ATP10A: variants seen among roughly 807,000 people sequenced by gnomAD.
ATP10A encodes ATPase phospholipid transporting 10A (putative), also known as phospholipid-transporting ATPase VA.
A neutral mutation model predicts 147.8 loss-of-function variants in ATP10A; 111 were observed. That is an observed-to-expected ratio of 0.75 (90% confidence interval 0.64 to 0.88). ATP10A has a LOEUF of 0.88. ATP10A is among the 40% of genes least tolerant of loss of function. The pLI, the probability that ATP10A is intolerant of heterozygous loss-of-function variation, is 0.00. For missense variants in ATP10A, 1,927 were observed against 1,959.0 expected, an observed-to-expected ratio of 0.98 and a Z score of 0.31; for synonymous variants, 875 against 841.6, an observed-to-expected ratio of 1.04 and a Z score of -0.69.
At chr15:25,689,216 G>A (rs1899872318) in intron 15 of ATP10A, among the ~76,000 whole-genome samples, 1 of 152,226 alleles carries the variant, frequency 6.6e-6, no homozygotes, top group Non-Finnish European at 1.5e-5. Flanking sequence ...CGTCAAAGTG[G>A]CCTTTCCAAA....
chr15:25,834,951 G>A (rs1892526555), intron 1 of ATP10A, among the ~76,000 whole-genome samples: 1 of 152,112 alleles, frequency 6.6e-6, no homozygotes, highest in Non-Finnish European at 1.5e-5. Flanking sequence ...TAAGGAATAT[G>A]GGGCTCATTT....
At chr15:25,716,991 A>G (rs1195400325) in intron 8 of ATP10A, 67 bp from the exon 9 acceptor site, 1 of 1,299,554 alleles carries the variant, frequency 7.7e-7, no homozygotes, top group African/African-American at 1.5e-5. Context: ...GGGCGTGACT[A>G]TTTAAGGTAC....
chr15:25,716,224 G>T (rs1213370606), intron 9 of ATP10A, among the ~76,000 whole-genome samples: 1 of 152,204 alleles, frequency 6.6e-6, no homozygotes, highest in Non-Finnish European at 1.5e-5. Flanking sequence ...CTGCATGGCT[G>T]GTAGAGTCAG....
intron 1 of ATP10A, among the ~76,000 whole-genome samples, chr15:25,835,565 CACA>C (rs1415261560): frequency 6.6e-6 from 1 of 152,110 alleles, no homozygotes; most frequent in East Asian, 1.9e-4. Context: ...GCCCTTTGCA[CACA>C]ACAAGGCCGG....
intron 1 of ATP10A, among the ~76,000 whole-genome samples, chr15:25,833,187 T>C (rs942569979): frequency 6.6e-6 from 1 of 152,170 alleles, no homozygotes; most frequent in Non-Finnish European, 1.5e-5. Context: ...TTCACCATGT[T>C]GGCTGGGCTG....
intron 2 of ATP10A, among the ~76,000 whole-genome samples, chr15:25,763,261 A>C (rs1375970999): frequency 1.3e-5 from 2 of 152,302 alleles, no homozygotes; most frequent in South Asian, 4.1e-4. Context: ...GAATTCTTGA[A>C]ATAAATTATT....
Position 25,759,782 on chromosome 15 carries a change from C to T in ATP10A, c.654+21237G>A, listed in dbSNP as rs183952283. Among the ~76,000 whole-genome samples, 359 of 147,702 alleles carry T rather than the reference C, an allele frequency of 2.4e-3. 1 individual carries two copies. Among genetic ancestry groups the T allele is most frequent in the South Asian group, 0.015 (70 of 4,582 alleles). On this transcript the variant is annotated intron_variant, in intron 2 of 20. Coordinates refer to ENST00000555815, the MANE Select transcript of ATP10A (RefSeq NM_024490.4). Reference sequence around the variant, plus strand: ...TGAGATCACACTACTGTACTCCAGCCTGGGTGGAGACCCTGTCTCAAAAAA... The same window carrying T: ...TGAGATCACACTACTGTACTCCAGCTTGGGTGGAGACCCTGTCTCAAAAAA...
In ATP10A at chr15:25,695,075, C is replaced by T; in HGVS notation, c.2832G>A (p.Glu944=). 1.2e-6 allele frequency: 2 copies of T among 1,614,184 alleles called. No homozygotes were observed. Residue 944 remains glutamate, a synonymous_variant, in exon 14 of 21, where the codon GAG becomes GAA. Transcript: ENST00000555815. The part of the protein sequence containing the change: ...VQSRGLQRAP[E]KTKGKVSMRF... ...TCATGCTCACTTTGCCCTTGGTCTT[C>T]TCAGGGGCTCTCTGGAGGCCTCTGG... is the stretch of plus-strand genomic sequence containing the variant.
chr15:25,767,025 T>C (rs1889061987), intron 2 of ATP10A, among the ~76,000 whole-genome samples: 1 of 152,224 alleles, frequency 6.6e-6, no homozygotes, highest in Admixed American at 6.5e-5. Flanking sequence ...AGCAATTTCT[T>C]TGAAGAGGGC....
At chr15:25,787,611 TAA>T (rs745619844) in intron 1 of ATP10A, among the ~76,000 whole-genome samples, 18,211 of 89,532 alleles carry the variant, frequency 0.2, 1,343 homozygotes, top group African/African-American at 0.28. Context: ...GACTCCTTCT[TAA>T]AAAAAAAAAA....
chr15:25,735,787 GGGCCTGCTAGCGGGA>G (rs1471171675), intron 3 of ATP10A, among the ~76,000 whole-genome samples: 1 of 152,096 alleles, frequency 6.6e-6, no homozygotes, highest in Non-Finnish European at 1.5e-5. Flanking sequence ...CACCTACCCG[GGGCCTGCTAGCGGGA>G]GGAAAAGCGG....
intron 1 of ATP10A, among the ~76,000 whole-genome samples, chr15:25,805,269 C>A (rs986671005): frequency 6.6e-6 from 1 of 152,240 alleles, no homozygotes; most frequent in Non-Finnish European, 1.5e-5. Context: ...CAGCCGGTCC[C>A]TCCAAGGGAC....
intron 1 of ATP10A, among the ~76,000 whole-genome samples, chr15:25,806,512 C>T (rs373702830): frequency 2.1e-4 from 32 of 152,124 alleles, no homozygotes; most frequent in African/African-American, 6.5e-4. Context: ...CGGGGTTTCA[C>T]GGTGTTAGCC....
At chr15:25,840,225 C>A (rs1324663864) in intron 1 of ATP10A, among the ~76,000 whole-genome samples, 1 of 152,116 alleles carries the variant, frequency 6.6e-6, no homozygotes, top group Non-Finnish European at 1.5e-5. Context: ...AACCTATGCA[C>A]ATGTGAAGGT....
chr15:25,834,267 A>G (rs1226011107), intron 1 of ATP10A, among the ~76,000 whole-genome samples: 1 of 152,254 alleles, frequency 6.6e-6, no homozygotes, highest in East Asian at 1.9e-4. Flanking sequence ...AAGTCCTATT[A>G]TCTGACTGGA....
At chr15:25,780,098 C>A (rs558749711) in intron 2 of ATP10A, among the ~76,000 whole-genome samples, 1 of 152,388 alleles carries the variant, frequency 6.6e-6, no homozygotes, top group South Asian at 2.1e-4. Flanking sequence ...CTCACCGCCC[C>A]ACTCCCTACA....
intron 1 of ATP10A, among the ~76,000 whole-genome samples, chr15:25,850,025 T>C (rs957377509): frequency 3.1e-4 from 47 of 152,176 alleles, no homozygotes; most frequent in Admixed American, 5.9e-4. Context: ...CAATTAATTA[T>C]GAGGGACAAG....
chr15:25,765,162 C>T (rs1253720751), intron 2 of ATP10A, among the ~76,000 whole-genome samples: 1 of 152,142 alleles, frequency 6.6e-6, no homozygotes, highest in African/African-American at 2.4e-5. Flanking sequence ...GTCAGCACAA[C>T]ACAGGGGGGC....
intron 7 of ATP10A, among the ~76,000 whole-genome samples, chr15:25,720,145 A>T (rs1314997721): frequency 6.6e-6 from 1 of 152,192 alleles, no homozygotes; most frequent in Non-Finnish European, 1.5e-5. Context: ...CTAAGCTTCC[A>T]ACTTTATTAT....
Sources: allele counts gnomAD v4.1 joint callset (sites outside exome capture counted in the v4.1 genomes callset), GRCh38; gene constraint gnomAD v4.1.1; transcripts MANE v1.5; gene names NCBI Gene and HGNC (gene_info 2026-07-23, HGNC 2026-07-21).